The following GTF2IRD1 variants were observed in gnomAD, a reference collection of about 807,000 sequenced individuals.
GTF2IRD1 encodes general transcription factor II-I repeat domain-containing protein 1.
GTF2IRD1 carries 26 observed loss-of-function variants against 113.2 expected under a neutral mutation model. The ratio of observed to expected loss-of-function variants is 0.23; its 90% CI spans 0.17 to 0.32. GTF2IRD1 has a LOEUF of 0.32. GTF2IRD1 is among the 10% of genes least tolerant of loss of function. The probability of loss-of-function intolerance (pLI) is 1.00; values close to 1 mark genes in which losing one functional copy is unlikely to be tolerated. For synonymous variants in GTF2IRD1, 484 were observed against 529.1 expected (o/e 0.91, Z 1.17); for missense variants, 864 against 1,280.8 (o/e 0.67, Z 4.97).
intron 22 of GTF2IRD1, among the ~76,000 whole-genome samples, chr7:74,564,116 T>C (rs1800147280): frequency 6.6e-6 from 1 of 152,114 alleles, no homozygotes; most frequent in Non-Finnish European, 1.5e-5. Context: ...AACCTCCACC[T>C]CCCGAGTTCA....
intron 1 of GTF2IRD1, among the ~76,000 whole-genome samples, chr7:74,475,876 C>T (rs1266741753): frequency 2.6e-5 from 4 of 152,114 alleles, no homozygotes; most frequent in Non-Finnish European, 5.9e-5. Context: ...GCGGCCTGAT[C>T]CTGCCTGTCT....
chr7:74,579,488 C>T (rs1554365520), intron 22 of GTF2IRD1, among the ~76,000 whole-genome samples: 1 of 151,938 alleles, frequency 6.6e-6, no homozygotes, highest in African/African-American at 2.4e-5. Context: ...CGTGGTGGCT[C>T]GTGCCGGTAG....
intron 22 of GTF2IRD1, among the ~76,000 whole-genome samples, chr7:74,560,536 TTATATATAATTAAAAATATTA>T (rs1396459903): frequency 1.4e-5 from 2 of 146,876 alleles, no homozygotes; most frequent in Admixed American, 6.9e-5. Context: ...AATTAAAATA[TTATATATAATTAAAAATATTA>T]TATATATAAT....
chr7:74,492,462 G>A (rs534176144), intron 1 of GTF2IRD1, among the ~76,000 whole-genome samples: 13 of 152,124 alleles, frequency 8.5e-5, no homozygotes, highest in South Asian at 2.1e-4. Flanking sequence ...GAGCCACCAC[G>A]CCTGGCCCAG....
intron 17 of GTF2IRD1, among the ~76,000 whole-genome samples, chr7:74,550,423 T>C (rs1443257882): frequency 1.6e-5 from 2 of 123,902 alleles, no homozygotes; most frequent in African/African-American, 3.9e-5. Context: ...ACCCCATCTC[T>C]AGGGAAAAAA....
chr7:74,520,128 G>A lies in GTF2IRD1; in HGVS notation c.916+409G>A, dbSNP rs984599702. Among the ~76,000 whole-genome samples, 18 of 134,420 alleles carry A rather than the reference G, an allele frequency of 1.3e-4. 1 individual carries two copies. Among genetic ancestry groups the A allele is most frequent in the South Asian group, 7.3e-4 (3 of 4,098 alleles). 88.2% of individuals were successfully genotyped at this position (134,420 alleles called of 152,430 possible). A position where few individuals can be genotyped will look rare whatever the true frequency, so the allele number is the denominator to read the frequency against. Reference sequence around the variant, plus strand: ...AAAAAAAAAAAAAAAAAGCACCAGCGATATTTCAGGTGTCAAAGGTGGGAG... The same window carrying A: ...AAAAAAAAAAAAAAAAAGCACCAGCAATATTTCAGGTGTCAAAGGTGGGAG... On this transcript the variant is annotated intron_variant, in intron 6 of 26. Coordinates refer to ENST00000424337, the MANE Select transcript of GTF2IRD1 (RefSeq NM_005685.4).
chr7:74,566,185 T>C (rs1202728870), intron 22 of GTF2IRD1, among the ~76,000 whole-genome samples: 5 of 152,226 alleles, frequency 3.3e-5, no homozygotes, highest in African/African-American at 1.2e-4. Context: ...ACTGTTCTTC[T>C]TTCTATAAAT....
chr7:74,529,447 G>T (rs1797831181), intron 8 of GTF2IRD1, among the ~76,000 whole-genome samples: 1 of 151,936 alleles, frequency 6.6e-6, no homozygotes, highest in Admixed American at 6.6e-5. Flanking sequence ...GCAGAGATGG[G>T]GTCTTGCTGT....
chr7:74,602,269 C>T, intron 26 of GTF2IRD1, 96 bp from the exon 27 acceptor site: 1 of 1,449,100 alleles, frequency 6.9e-7, no homozygotes, highest in Non-Finnish European at 9.3e-7. Flanking sequence ...AAATAAATAG[C>T]CTCTGAGAAA....
intron 1 of GTF2IRD1, among the ~76,000 whole-genome samples, chr7:74,460,437 G>T (rs1430107060): frequency 6.6e-6 from 1 of 151,638 alleles, no homozygotes; most frequent in Non-Finnish European, 1.5e-5. Flanking sequence ...TTTAGAGATG[G>T]GGTCTTGCGA....
At chr7:74,602,152 G>T in intron 26 of GTF2IRD1, 1 of 400,820 alleles carries the variant, frequency 2.5e-6, no homozygotes, top group African/African-American at 2.1e-5. Context: ...TGAGGCAGGA[G>T]ACTCGCTTGA....
In GTF2IRD1 at chr7:74,555,460, G is replaced by A; in HGVS notation, c.1989G>A (p.Leu663=). The change falls in exon 19 of 27, where the codon CTG becomes CTA. Residue 663 remains leucine, a synonymous_variant. Transcript: ENST00000424337. The surrounding 1 kb of genome is among the most constrained non-coding windows in gnomAD (Gnocchi z 5.3). ...DSQERDSGDP[L]VDESLKRQGF... ...CAGAGAGGGATTCCGGGGACCCTCT[G>A]GTGGACGAGAGCCTGAAGAGACAGG... 6.2e-7 allele frequency: 1 copy of A among 1,613,248 alleles called. No homozygotes were observed. Among genetic ancestry groups the A allele is most frequent in the Non-Finnish European group, 8.5e-7 (1 of 1,179,218 alleles).
intron 2 of GTF2IRD1, among the ~76,000 whole-genome samples, chr7:74,509,102 A>G (rs1195961653): frequency 3.9e-5 from 6 of 152,022 alleles, no homozygotes; most frequent in African/African-American, 1.4e-4. Context: ...CACGCAAGTA[A>G]TCCCAGCACT....
At chr7:74,458,696 C>T (rs1222449338) in intron 1 of GTF2IRD1, among the ~76,000 whole-genome samples, 1 of 151,432 alleles carries the variant, frequency 6.6e-6, no homozygotes, top group African/African-American at 2.4e-5. Context: ...GCTTTGTTGC[C>T]CACGCTGGAG....
At chr7:74,600,580 A>T (rs1424038221) in intron 25 of GTF2IRD1, among the ~76,000 whole-genome samples, 4 of 152,098 alleles carry the variant, frequency 2.6e-5, no homozygotes, top group African/African-American at 9.7e-5. Context: ...ACGTGGTGGC[A>T]GACACCTATA....
intron 4 of GTF2IRD1, 141 bp from the exon 5 acceptor site, chr7:74,517,998 G>T: frequency 2.0e-6 from 1 of 499,238 alleles, no homozygotes; most frequent in Admixed American, 3.5e-5. Flanking sequence ...TCTGCACAAA[G>T]TCTGCAGTTA....
intron 1 of GTF2IRD1, among the ~76,000 whole-genome samples, chr7:74,489,306 G>T (rs1795200470): frequency 1.3e-5 from 2 of 152,144 alleles, no homozygotes; most frequent in African/African-American, 4.8e-5. Flanking sequence ...CATGGTCGGG[G>T]GTGTCACATG....
chr7:74,590,777 C>T, intron 23 of GTF2IRD1, 48 bp from the exon 24 acceptor site: 1 of 1,314,202 alleles, frequency 7.6e-7, no homozygotes, highest in Non-Finnish European at 1.1e-6. Flanking sequence ...AGGGCTTTGC[C>T]ATTGACAGGA....
intron 24 of GTF2IRD1, 83 bp from the exon 25 acceptor site, chr7:74,594,931 A>C: frequency 2.6e-5 from 24 of 927,326 alleles, no homozygotes; most frequent in Non-Finnish European, 3.7e-5. Context: ...CAGCCTGGGC[A>C]ACCGAGTGAG....
Sources: gnomAD v4.1 joint callset for allele counts (sites outside exome capture counted in the v4.1 genomes callset) on GRCh38, gnomAD v4.1.1 for gene constraint, Gnocchi (gnomAD v3.1) non-coding constraint, MANE v1.5 for transcripts, NCBI Gene and HGNC (gene_info 2026-07-23, HGNC 2026-07-21) for gene names.